The following THOC7 variants were observed in gnomAD, a reference collection of about 807,000 sequenced individuals.
The protein encoded by THOC7 is THO complex subunit 7, also known as NIF3L1-binding protein 1.
A neutral mutation model predicts 33.1 loss-of-function variants in THOC7; 22 were observed. The observed-to-expected ratio is 0.66, with a 90% CI of 0.47 to 0.95. THOC7 has a LOEUF of 0.95. Among genes scored for constraint, THOC7 ranks in the 40% least tolerant of loss-of-function variants. The pLI, the probability that THOC7 is intolerant of heterozygous loss-of-function variation, is 0.00. For synonymous variants in THOC7, 77 were observed against 76.8 expected (o/e 1.00, Z -0.01); for missense variants, 184 against 245.3 (o/e 0.75, Z 1.67).
At chr3:63,846,536 T>C (rs113386200) in intron 1 of THOC7, among the ~76,000 whole-genome samples, 47,515 of 151,914 alleles carry the variant, frequency 0.31, 7,724 homozygotes, top group East Asian at 0.39. Context: ...GCCTCCCAAG[T>C]AGCTGGGATT....
At chr3:63,863,633 G>C in intron 1 of THOC7, 139 bp downstream of exon 1, 1 of 1,206,264 alleles carries the variant, frequency 8.3e-7, no homozygotes, top group Non-Finnish European at 1.0e-6. Flanking sequence ...TCCGGGGAGA[G>C]GTCGGGAAGG....
Position 63,839,679 on chromosome 3 carries a change from G to T in THOC7, c.114C>A (p.Cys38Ter). 6.2e-7 allele frequency: 1 copy of T among 1,612,040 alleles called. No individual in the cohort carries two copies. Among genetic ancestry groups the T allele is most frequent in the Non-Finnish European group, 8.5e-7 (1 of 1,179,764 alleles). Residue 38 changes from cysteine (C) to a stop codon, truncating the protein, a stop_gained, in exon 2 of 8, where the codon TGC becomes TGA. Transcript: ENST00000295899. LOFTEE classifies it high-confidence loss of function. ...ACCCCTCTTCCTGGGACCCAGAGTT[G>T]CACCATTTAATGAAACTCTTCACTA... Reference protein sequence around the residue: ...NLLVKSFIKWCNSGSQEEGYS... With the variant: ...NLLVKSFIKW
chr3:63,846,012 A>G (rs1701886157), intron 1 of THOC7: 1 of 181,600 alleles, frequency 5.5e-6, no homozygotes, highest in South Asian at 8.5e-5. Flanking sequence ...GGCATTCAGA[A>G]GCCTCAAAGA....
At position 63,834,031 on chromosome 3, in the gene THOC7, C is replaced by T; in HGVS notation, c.*101G>A. The T allele has an allele frequency of 8.7e-7, 1 of 1,152,394 alleles. No individual in the cohort carries two copies. Among genetic ancestry groups the T allele is most frequent in the Non-Finnish European group, 1.2e-6 (1 of 805,764 alleles). 71.4% of individuals were successfully genotyped at this position (1,152,394 alleles called of 1,614,324 possible). ...TCATACTTAAAAACAGAGTATTTTA[C>T]TGCCAAAACTTTAAATATCTCAAGA... On this transcript the variant is annotated 3_prime_UTR_variant, in exon 8 of 8. Coordinates refer to ENST00000295899, the MANE Select transcript of THOC7 (RefSeq NM_025075.4).
At chr3:63,849,066 G>T (rs1701967690) in intron 1 of THOC7, among the ~76,000 whole-genome samples, 1 of 152,194 alleles carries the variant, frequency 6.6e-6, no homozygotes, top group South Asian at 2.1e-4. Flanking sequence ...GCTCTGACAG[G>T]AATACCATAT....
At chr3:63,845,130 T>C in intron 1 of THOC7, 1 of 664,162 alleles carries the variant, frequency 1.5e-6, no homozygotes, top group South Asian at 1.6e-5. Context: ...ATCTCCTTCA[T>C]GTAGCCCTGA....
intron 1 of THOC7, among the ~76,000 whole-genome samples, chr3:63,862,892 A>G (rs777117256): frequency 6.6e-6 from 1 of 152,058 alleles, no homozygotes. Context: ...TTCCGCTCTC[A>G]GTCCATAGAC....
At chr3:63,864,383 G>T (rs573046639), upstream of THOC7, 1 of 152,198 alleles carries the variant, frequency 6.6e-6, no homozygotes, top group East Asian at 2.0e-4. Context: ...GGTACCGAGG[G>T]GGGCGCGTCG....
At chr3:63,858,712 ACT>A (rs1702155846) in intron 1 of THOC7, among the ~76,000 whole-genome samples, 1 of 152,212 alleles carries the variant, frequency 6.6e-6, no homozygotes, top group South Asian at 2.1e-4. Flanking sequence ...CAACATCCAC[ACT>A]GTTTTTCAGC....
chr3:63,851,945 G>T (rs1173882598), intron 1 of THOC7, among the ~76,000 whole-genome samples: 1 of 152,120 alleles, frequency 6.6e-6, no homozygotes, highest in Non-Finnish European at 1.5e-5. Context: ...CAGAACTATA[G>T]GCGGGTAGAA....
chr3:63,834,568 G>C (rs903989402), intron 7 of THOC7, among the ~76,000 whole-genome samples: 1 of 151,820 alleles, frequency 6.6e-6, no homozygotes, highest in Non-Finnish European at 1.5e-5. Context: ...GCTGAGGCAG[G>C]AGAATCACTT....
chr3:63,838,202 A>G (rs893392571), intron 3 of THOC7, 140 bp from the exon 4 acceptor site: 26 of 921,378 alleles, frequency 2.8e-5, no homozygotes, highest in Non-Finnish European at 4.2e-5. Context: ...AACCCAAAGT[A>G]CTATATCATC....
At chr3:63,863,611 G>T (rs986514166) in intron 1 of THOC7, 161 bp downstream of exon 1, 32 of 1,195,820 alleles carry the variant, frequency 2.7e-5, no homozygotes, top group Non-Finnish European at 3.3e-5. Flanking sequence ...AGCAGCCGGG[G>T]AGGCCCGGGG....
chr3:63,853,613 TA>T (rs1207145846), intron 1 of THOC7, among the ~76,000 whole-genome samples: 2 of 152,194 alleles, frequency 1.3e-5, no homozygotes, highest in Admixed American at 6.5e-5. Context: ...ATGTTTATGT[TA>T]AATTTAATTC....
chr3:63,837,734 A>G (rs1023983013), intron 4 of THOC7, among the ~76,000 whole-genome samples: 9 of 152,120 alleles, frequency 5.9e-5, no homozygotes, highest in Non-Finnish European at 8.8e-5. Context: ...GGATAAGAAA[A>G]AAAAAGAGAA....
At chr3:63,855,798 A>G (rs1462476676) in intron 1 of THOC7, among the ~76,000 whole-genome samples, 1 of 152,166 alleles carries the variant, frequency 6.6e-6, no homozygotes, top group Non-Finnish European at 1.5e-5. Context: ...TGAACTAGTA[A>G]TCCTGTGATC....
rs754129889 is a variant in THOC7, at chr3:63,835,153, C to G, written c.547+1G>C. On this transcript the variant is annotated splice_donor_variant, in intron 7 of 7. Coordinates refer to ENST00000295899, the MANE Select transcript of THOC7 (RefSeq NM_025075.4). LOFTEE classifies it high-confidence loss of function. ...TTTACTTTGAGACTATTTCTACTTA[C>G]TTTCCAATGTTTGCTGAAGTTCATG... The G allele has an allele frequency of 6.2e-7, 1 of 1,613,254 alleles. No homozygotes were observed. Among genetic ancestry groups the G allele is most frequent in the Non-Finnish European group, 8.5e-7 (1 of 1,179,634 alleles).
chr3:63,841,022 C>A (rs1056066021), intron 1 of THOC7, among the ~76,000 whole-genome samples: 1 of 152,162 alleles, frequency 6.6e-6, no homozygotes, highest in Non-Finnish European at 1.5e-5. Flanking sequence ...AGATTGCAAA[C>A]CTATTCATCA....
chr3:63,861,620 G>C (rs1702215461), intron 1 of THOC7: 1 of 152,082 alleles, frequency 6.6e-6, no homozygotes, highest in Non-Finnish European at 1.5e-5. Flanking sequence ...CTATCTGTGC[G>C]ACCTTAGGCA....
Sources: allele counts gnomAD v4.1 joint callset (sites outside exome capture counted in the v4.1 genomes callset), GRCh38; gene constraint gnomAD v4.1.1; transcripts MANE v1.5; gene names NCBI Gene and HGNC (gene_info 2026-07-23, HGNC 2026-07-21).